TTC19: variants seen among roughly 807,000 people sequenced by gnomAD.
The protein encoded by TTC19 is tetratricopeptide repeat domain 19, also known as tetratricopeptide repeat protein 19, mitochondrial.
TTC19 carries 38 observed loss-of-function variants against 49.5 expected under a neutral mutation model. The ratio of observed to expected loss-of-function variants is 0.77; its 90% CI spans 0.59 to 1.01. TTC19 has a LOEUF of 1.01. Ranked by LOEUF, TTC19 falls within the 50% of genes least tolerant of loss-of-function variation. TTC19 has a pLI of 0.00. For missense variants in TTC19, 475 were observed against 477.7 expected (o/e 0.99, Z 0.05); for synonymous variants, 204 against 185.2 (o/e 1.10, Z -0.83).
In TTC19 at chr17:16,025,174, A is replaced by G; in HGVS notation, c.831+3A>G. The G allele has an allele frequency of 6.2e-7, 1 of 1,613,220 alleles. No individual in the cohort carries two copies. ...TACAAGGAGAAAGACACCCACAGGT[A>G]AGGGAGGAAAACACAGAAGGGGGAA... is the stretch of plus-strand genomic sequence containing the variant. On this transcript the variant is annotated splice_donor_region_variant and intron_variant, in intron 8 of 9. Coordinates refer to ENST00000261647, the MANE Select transcript of TTC19 (RefSeq NM_017775.4).
At chr17:16,044,459 T>C (rs762404394) in intron 2 of TTC19, 2 of 472,496 alleles carry the variant, frequency 4.2e-6, no homozygotes, top group Non-Finnish European at 8.8e-6. Flanking sequence ...AGGAGACTAG[T>C]AGATGGTAGA....
chr17:16,021,090 T>C (rs910130869), intron 7 of TTC19, among the ~76,000 whole-genome samples: 7 of 152,158 alleles, frequency 4.6e-5, no homozygotes, highest in African/African-American at 1.7e-4. Context: ...GATACAGATA[T>C]AAATAAAAGA....
chr17:16,027,775 T>A lies in TTC19; in HGVS notation c.*253T>A, dbSNP rs761176159. 1.8e-6 allele frequency: 1 copy of A among 561,608 alleles called. No individual in the cohort carries two copies. Among genetic ancestry groups the A allele is most frequent in the South Asian group, 1.5e-5 (1 of 65,468 alleles). The allele number at this position is 561,608 out of a possible 1,614,324, so 34.8% of individuals were successfully genotyped here. A position where few individuals can be genotyped will look rare whatever the true frequency, so the allele number is the denominator to read the frequency against. The stretch of plus-strand genomic sequence containing the variant: ...ATGCTTTCAGTTGTAACACGTGACT[T>A]GGTGCTGTCCCTGCTGGTCTAAGTA... On this transcript the variant is annotated 3_prime_UTR_variant, in exon 10 of 10. Coordinates refer to ENST00000261647, the MANE Select transcript of TTC19 (RefSeq NM_017775.4).
chr17:16,014,023 G>A (rs1222133513), intron 7 of TTC19, among the ~76,000 whole-genome samples: 2 of 152,160 alleles, frequency 1.3e-5, no homozygotes, highest in Non-Finnish European at 1.5e-5. Flanking sequence ...AAAGGAACAG[G>A]CTCTTTCCAT....
chr17:16,008,658 G>A (rs527628474), intron 7 of TTC19, among the ~76,000 whole-genome samples: 43 of 152,142 alleles, frequency 2.8e-4, no homozygotes, highest in African/African-American at 8.9e-4. Context: ...CCCCTTGCTC[G>A]TTCCAGTCTC....
chr17:16,019,709 C>G (rs1275051833), intron 7 of TTC19, among the ~76,000 whole-genome samples: 1 of 152,096 alleles, frequency 6.6e-6, no homozygotes, highest in African/African-American at 2.4e-5. Context: ...TATTGATGGA[C>G]CTGTTGGGTT....
At chr17:16,002,071 G>A (rs1395987267) in intron 3 of TTC19, 46 bp downstream of exon 3, 2 of 1,255,998 alleles carry the variant, frequency 1.6e-6, no homozygotes, top group South Asian at 2.4e-5. Flanking sequence ...AAGGTTGGAT[G>A]GGAGGGAAGG....
intron 2 of TTC19, among the ~76,000 whole-genome samples, chr17:16,043,776 T>C (rs747759035): frequency 3.9e-5 from 6 of 152,214 alleles, no homozygotes; most frequent in African/African-American, 7.2e-5. Context: ...CCAAGAGAAA[T>C]TGAAAACAAG....
downstream of TTC19, chr17:16,032,578 T>G: frequency 8.1e-7 from 1 of 1,235,428 alleles, no homozygotes; most frequent in Non-Finnish European, 1.1e-6. Context: ...AGGATTATTG[T>G]AAAATGGTCA....
At chr17:16,007,530 T>C (rs1186400661) in intron 7 of TTC19, among the ~76,000 whole-genome samples, 1 of 152,234 alleles carries the variant, frequency 6.6e-6, no homozygotes, top group Non-Finnish European at 1.5e-5. Flanking sequence ...CTCTTTGTCA[T>C]ATTCAAATTG....
At chr17:16,016,330 G>A (rs1971215221) in intron 7 of TTC19, among the ~76,000 whole-genome samples, 1 of 152,104 alleles carries the variant, frequency 6.6e-6, no homozygotes, top group African/African-American at 2.4e-5. Flanking sequence ...GTTGAATCCA[G>A]TTTCATTCCA....
At position 16,028,509 on chromosome 17, in the gene TTC19, A is replaced by G. The variant is rs939426958; in HGVS notation, c.*987A>G. ...GTGGGGGAAGGTATTTGGTTAGATG[A>G]CTTTGAATGAATAGACTGCTGTGCT... On this transcript the variant is annotated 3_prime_UTR_variant, in exon 10 of 10. Coordinates refer to ENST00000261647, the MANE Select transcript of TTC19 (RefSeq NM_017775.4). 4 of 453,924 alleles carry G rather than the reference A, an allele frequency of 8.8e-6. No homozygotes were observed. Among genetic ancestry groups the G allele is most frequent in the African/African-American group, 8.0e-5 (4 of 49,988 alleles). The allele number at this position is 453,924 out of a possible 1,614,324, so 28.1% of individuals were successfully genotyped here.
chr17:16,027,074 A>G (rs1351621823), intron 9 of TTC19: 9 of 514,890 alleles, frequency 1.7e-5, no homozygotes, highest in Non-Finnish European at 3.2e-5. Flanking sequence ...TCTTAGTGTC[A>G]GCACACTATA....
intron 7 of TTC19, among the ~76,000 whole-genome samples, chr17:16,011,472 C>T (rs770471112): frequency 3.3e-5 from 5 of 152,200 alleles, no homozygotes; most frequent in Admixed American, 6.5e-5. Flanking sequence ...CGCGCCCGGC[C>T]GCGTTATATC....
chr17:16,024,162 G>T (rs1169458004), intron 7 of TTC19: 1 of 151,946 alleles, frequency 6.6e-6, no homozygotes, highest in East Asian at 1.9e-4. Context: ...ATGGCATTAG[G>T]TATTTTAAGC....
Position 15,999,881 on chromosome 17 carries a change from A to G in TTC19, c.33A>G (p.Arg11=). MFRLLSWSLG[R]GFLRAAGRRC... ...GGCTCCTGAGCTGGAGCCTGGGCCG[A>G]GGCTTCCTGCGGGCCGCGGGGCGGC... Residue 11 remains arginine (R), a synonymous_variant, in exon 1 of 10, where the codon CGA becomes CGG. Coordinates refer to ENST00000261647, the MANE Select transcript of TTC19 (RefSeq NM_017775.4). 7.0e-7 allele frequency: 1 copy of G among 1,425,370 alleles called. No individual in the cohort carries two copies. The highest frequency in any genetic ancestry group is 9.1e-7 in the Non-Finnish European group (1 of 1,098,632). The allele number at this position is 1,425,370 out of a possible 1,614,324, so 88.3% of individuals were successfully genotyped here. A position where few individuals can be genotyped will look rare whatever the true frequency, so the allele number is the denominator to read the frequency against.
chr17:16,015,622 G>A (rs929109504), intron 7 of TTC19, among the ~76,000 whole-genome samples: 1 of 151,772 alleles, frequency 6.6e-6, no homozygotes, highest in Non-Finnish European at 1.5e-5. Context: ...ATAATATTTG[G>A]TTCCATGAGT....
chr17:16,020,045 G>A (rs998165711), intron 7 of TTC19, among the ~76,000 whole-genome samples: 2 of 151,540 alleles, frequency 1.3e-5, no homozygotes, highest in South Asian at 2.1e-4. Flanking sequence ...CATGCGAATC[G>A]CTTAAACCCA....
chr17:16,004,523 G>C (rs989100325), intron 6 of TTC19, among the ~76,000 whole-genome samples: 2 of 152,170 alleles, frequency 1.3e-5, no homozygotes, highest in African/African-American at 4.8e-5. Context: ...TGCTTGAAGT[G>C]GGAAGGGAAG....
Sources: allele counts gnomAD v4.1 joint callset (sites outside exome capture counted in the v4.1 genomes callset), GRCh38; gene constraint gnomAD v4.1.1; transcripts MANE v1.5; gene names NCBI Gene and HGNC (gene_info 2026-07-23, HGNC 2026-07-21).